Variants in ZCCHC7 observed in about 807,000 individuals in gnomAD.
The protein encoded by ZCCHC7 is zinc finger CCHC-type containing 7.
ZCCHC7 carries 35 observed loss-of-function variants against 52.0 expected under a neutral mutation model. That is an observed-to-expected ratio of 0.67 (90% CI 0.51 to 0.89). The LOEUF (loss-of-function observed/expected upper bound fraction) is 0.89, where lower values mean the gene tolerates loss of function less well. ZCCHC7 is among the 40% of genes least tolerant of loss of function. The pLI is 0.00. For synonymous variants in ZCCHC7, 217 were observed against 221.5 expected, an observed-to-expected ratio of 0.98 and a Z score of 0.18; for missense variants, 574 against 649.1, an observed-to-expected ratio of 0.88 and a Z score of 1.26.
chr9:37,322,775 A>G (rs1298524781), intron 5 of ZCCHC7, among the ~76,000 whole-genome samples: 1 of 151,476 alleles, frequency 6.6e-6, no homozygotes, highest in Admixed American at 6.6e-5. Flanking sequence ...TTTTTCCTCT[A>G]TTATGTCTTT....
At chr9:37,163,332 G>C (rs1821214526) in intron 2 of ZCCHC7, among the ~76,000 whole-genome samples, 1 of 144,728 alleles carries the variant, frequency 6.9e-6, no homozygotes, top group Non-Finnish European at 1.5e-5. Context: ...AGGTTGCAGT[G>C]AGCCAAGATC....
At chr9:37,140,742 T>G (rs1321945454) in intron 2 of ZCCHC7, among the ~76,000 whole-genome samples, 1 of 152,032 alleles carries the variant, frequency 6.6e-6, no homozygotes, top group African/African-American at 2.4e-5. Flanking sequence ...TGTATAATTA[T>G]GTACCCGGTA....
intron 2 of ZCCHC7, among the ~76,000 whole-genome samples, chr9:37,191,812 A>C (rs752244004): frequency 9.9e-5 from 15 of 152,218 alleles, no homozygotes; most frequent in Non-Finnish European, 2.2e-4. Context: ...GTAGCAGTCT[A>C]GTTTACAACA....
At chr9:37,285,542 A>C (rs565221905) in intron 2 of ZCCHC7, among the ~76,000 whole-genome samples, 5 of 152,124 alleles carry the variant, frequency 3.3e-5, no homozygotes, top group Non-Finnish European at 7.4e-5. Flanking sequence ...AATGGGTCTA[A>C]GTATTCCATT....
chr9:37,303,655 CTTTTTTTTTTTTT>C (rs74182940), intron 3 of ZCCHC7, among the ~76,000 whole-genome samples: 11 of 56,754 alleles, frequency 1.9e-4, no homozygotes, highest in Non-Finnish European at 3.0e-4. Context: ...TTTTCTACCT[CTTTTTTTTTTTTT>C]TTTTTTTTTT....
At chr9:37,296,881 T>TTGTGTATGTGTGTG (rs1396008500) in intron 2 of ZCCHC7, among the ~76,000 whole-genome samples, 29 of 124,204 alleles carry the variant, frequency 2.3e-4, no homozygotes, top group African/African-American at 8.6e-4. Flanking sequence ...CCTGGCTAGT[T>TTGTGTATGTGTGTG]TGTGTGTGTG....
intron 2 of ZCCHC7, among the ~76,000 whole-genome samples, chr9:37,190,021 C>T (rs550224344): frequency 2.0e-4 from 31 of 152,284 alleles, no homozygotes; most frequent in Admixed American, 1.4e-3. Context: ...CCTAATCCTC[C>T]CCTCTTTATA....
At chr9:37,229,744 T>G (rs1274488445) in intron 2 of ZCCHC7, among the ~76,000 whole-genome samples, 2 of 152,150 alleles carry the variant, frequency 1.3e-5, no homozygotes, top group African/African-American at 2.4e-5. Context: ...TACACTAAAT[T>G]TATTAACTTT....
At chr9:37,313,779 C>G (rs1157361941) in intron 5 of ZCCHC7, among the ~76,000 whole-genome samples, 1 of 152,164 alleles carries the variant, frequency 6.6e-6, no homozygotes, top group East Asian at 1.9e-4. Flanking sequence ...CCCCTTCAAC[C>G]TCCACCATGA....
chr9:37,134,608 A>G (rs1454780277), intron 2 of ZCCHC7, among the ~76,000 whole-genome samples: 1 of 152,236 alleles, frequency 6.6e-6, no homozygotes, highest in East Asian at 1.9e-4. Flanking sequence ...TCCAGTCGCC[A>G]TCCTGTTCCT....
At chr9:37,233,679 T>C (rs1825509465) in intron 2 of ZCCHC7, among the ~76,000 whole-genome samples, 1 of 152,150 alleles carries the variant, frequency 6.6e-6, no homozygotes, top group South Asian at 2.1e-4. Context: ...CATCTTTTAG[T>C]ATTGCAGTGG....
At chr9:37,348,347 G>GTTCGTTCGTTCTTTCTTTCT (rs370166957) in intron 6 of ZCCHC7, among the ~76,000 whole-genome samples, 9 of 135,590 alleles carry the variant, frequency 6.6e-5, no homozygotes, top group African/African-American at 2.7e-4. Flanking sequence ...ATACCAGTTC[G>GTTCGTTCGTTCTTTCTTTCT]TTCTTTCTTT....
chr9:37,136,995 T>C (rs1171812742), intron 2 of ZCCHC7, among the ~76,000 whole-genome samples: 2 of 152,226 alleles, frequency 1.3e-5, no homozygotes, highest in Non-Finnish European at 2.9e-5. Context: ...GGTGACATTT[T>C]ATGATCTGCT....
chr9:37,120,301 C>A (rs1326136815), upstream of ZCCHC7, among the ~76,000 whole-genome samples: 6 of 152,348 alleles, frequency 3.9e-5, no homozygotes, highest in Non-Finnish European at 8.8e-5. Context: ...AATAGCATCT[C>A]CTTCGTACGA....
intron 2 of ZCCHC7, among the ~76,000 whole-genome samples, chr9:37,240,772 G>A (rs1171843863): frequency 1.3e-5 from 2 of 151,664 alleles, no homozygotes; most frequent in East Asian, 3.9e-4. Context: ...AAAAGGGATG[G>A]AATTAAACAA....
At chr9:37,235,818 G>A (rs537769565) in intron 2 of ZCCHC7, among the ~76,000 whole-genome samples, 2 of 151,850 alleles carry the variant, frequency 1.3e-5, no homozygotes, top group African/African-American at 4.8e-5. Context: ...TCCATCTCCT[G>A]ACCTCGTGAT....
At chr9:37,226,366 C>CT (rs1211237240) in intron 2 of ZCCHC7, among the ~76,000 whole-genome samples, 6 of 152,008 alleles carry the variant, frequency 3.9e-5, no homozygotes, top group Non-Finnish European at 7.4e-5. Flanking sequence ...CCAGATGTAT[C>CT]TATTTATTCA....
intron 2 of ZCCHC7, among the ~76,000 whole-genome samples, chr9:37,232,676 G>A (rs1044042599): frequency 1.3e-5 from 2 of 152,122 alleles, no homozygotes; most frequent in African/African-American, 2.4e-5. Context: ...ATCAAGTTTC[G>A]TTGCAACCAA....
chr9:37,254,353 GGTGTTTATTTACAAA>G (rs1826470496), intron 2 of ZCCHC7, among the ~76,000 whole-genome samples: 1 of 151,882 alleles, frequency 6.6e-6, no homozygotes, highest in Non-Finnish European at 1.5e-5. Context: ...TGCAGCCTTT[GGTGTTTATTTACAAA>G]GAGTTGGGAA....
Sources: gnomAD v4.1 joint callset for allele counts (sites outside exome capture counted in the v4.1 genomes callset) on GRCh38, gnomAD v4.1.1 for gene constraint, MANE v1.5 for transcripts, NCBI Gene and HGNC (gene_info 2026-07-23, HGNC 2026-07-21) for gene names.